ENPP1: variants seen among roughly 807,000 people sequenced by gnomAD.
ENPP1 encodes the protein ectonucleotide pyrophosphatase/phosphodiesterase 1, also known as ectonucleotide pyrophosphatase/phosphodiesterase family member 1.
ENPP1 carries 73 observed loss-of-function variants against 122.8 expected under a neutral mutation model. That is an observed-to-expected ratio of 0.59 (90% CI 0.49 to 0.72). The LOEUF (loss-of-function observed/expected upper bound fraction) is 0.72, where lower values mean the gene tolerates loss of function less well. Among genes scored for constraint, ENPP1 ranks in the 30% least tolerant of loss-of-function variants. ENPP1 has a pLI of 0.00. For synonymous variants in ENPP1, 367 were observed against 391.6 expected (o/e 0.94, Z 0.74); for missense variants, 978 against 1,128.1 (o/e 0.87, Z 1.91).
At chr6:131,857,871 G>A (rs1402851704) in intron 6 of ENPP1, among the ~76,000 whole-genome samples, 1 of 152,120 alleles carries the variant, frequency 6.6e-6, no homozygotes, top group Non-Finnish European at 1.5e-5. Flanking sequence ...TGCCAAATGT[G>A]GCATCGTGAG....
Position 131,808,292 on chromosome 6 carries a change from GC to G in ENPP1, c.240+21del. On this transcript the variant is annotated intron_variant, in intron 1 of 24. Transcript: ENST00000647893. ...CTCTCGCTGGTAGGTCCGCGGCCAG[GC>G]CCCGGCGCCCGGGAGGGCTGGGAGT... 3.4e-6 allele frequency: 5 copies of G among 1,485,580 alleles called. No individual in the cohort carries two copies. Among genetic ancestry groups the G allele is most frequent in the East Asian group, 2.8e-5 (1 of 35,978 alleles). 92.0% of individuals were successfully genotyped at this position (1,485,580 alleles called of 1,614,324 possible).
intron 4 of ENPP1, 156 bp downstream of exon 4, chr6:131,851,423 TA>T (rs1781879913): frequency 9.6e-6 from 8 of 830,078 alleles, no homozygotes; most frequent in Non-Finnish European, 1.5e-5. Context: ...AAGAAACTTT[TA>T]AACATACACA....
intron 18 of ENPP1, chr6:131,877,501 A>AATCT (rs1782245650): frequency 2.8e-6 from 1 of 353,546 alleles, no homozygotes; most frequent in African/African-American, 2.1e-5. Flanking sequence ...TAACTCTAGC[A>AATCT]GTGAGGTGAT....
chr6:131,843,626 T>C (rs956976383), intron 1 of ENPP1, among the ~76,000 whole-genome samples: 1 of 151,630 alleles, frequency 6.6e-6, no homozygotes, highest in Non-Finnish European at 1.5e-5. Flanking sequence ...GTATTCTGTT[T>C]TCCCCACCTT....
intron 1 of ENPP1, chr6:131,828,344 A>G: frequency 6.9e-6 from 3 of 431,754 alleles, no homozygotes; most frequent in South Asian, 2.2e-5. Context: ...ACATCCTACC[A>G]TGATTTTAAG....
At chr6:131,836,189 T>C (rs1216989264) in intron 1 of ENPP1, among the ~76,000 whole-genome samples, 1 of 152,102 alleles carries the variant, frequency 6.6e-6, no homozygotes, top group South Asian at 2.1e-4. Context: ...CTCAGTTTAC[T>C]GCAACCTCTG....
intron 1 of ENPP1, chr6:131,826,142 T>A: frequency 1.2e-6 from 1 of 847,210 alleles, no homozygotes; most frequent in Admixed American, 1.7e-5. Context: ...TCCAGATGAG[T>A]AAGGTTTGAC....
intron 1 of ENPP1, chr6:131,826,687 T>G (rs765817881): frequency 7.9e-5 from 52 of 654,134 alleles, no homozygotes; most frequent in African/African-American, 1.1e-4. Context: ...TCCCTCATTA[T>G]CAAGGGACAA....
chr6:131,839,923 C>T (rs1405886642), intron 1 of ENPP1, among the ~76,000 whole-genome samples: 1 of 152,080 alleles, frequency 6.6e-6, no homozygotes, highest in Non-Finnish European at 1.5e-5. Flanking sequence ...TACTCTTGGA[C>T]ATTATGTGTA....
chr6:131,814,698 G>A (rs1781394588), intron 1 of ENPP1, among the ~76,000 whole-genome samples: 1 of 152,062 alleles, frequency 6.6e-6, no homozygotes, highest in South Asian at 2.1e-4. Flanking sequence ...TGCTCCTTTG[G>A]TTTATAAAAT....
intron 1 of ENPP1, among the ~76,000 whole-genome samples, chr6:131,813,001 G>A (rs554602372): frequency 2.6e-4 from 40 of 152,068 alleles, no homozygotes; most frequent in African/African-American, 9.4e-4. Flanking sequence ...CACCACTCCT[G>A]GCTAATTTTT....
intron 24 of ENPP1, among the ~76,000 whole-genome samples, chr6:131,887,835 G>T (rs1322636523): frequency 6.8e-6 from 1 of 146,598 alleles, no homozygotes; most frequent in Non-Finnish European, 1.5e-5. Flanking sequence ...AAAATGCTGG[G>T]ATTACAGGCG....
chr6:131,839,822 ATATATACAGTTATATACAGT>A (rs201442888), intron 1 of ENPP1, among the ~76,000 whole-genome samples: 1 of 152,114 alleles, frequency 6.6e-6, no homozygotes, highest in Non-Finnish European at 1.5e-5. Flanking sequence ...ATATACAGCC[ATATATACAGTTATATACAGT>A]TATATACAGT....
At chr6:131,862,949 C>T (rs1782042687) in intron 9 of ENPP1, among the ~76,000 whole-genome samples, 3 of 151,580 alleles carry the variant, frequency 2.0e-5, no homozygotes, top group African/African-American at 4.9e-5. Context: ...AGGGCTATTA[C>T]CAACTTTGTT....
At chr6:131,854,780 C>A in intron 5 of ENPP1, 146 bp from the exon 6 acceptor site, 1 of 672,306 alleles carries the variant, frequency 1.5e-6, no homozygotes. Context: ...AGTATGCTTG[C>A]CGACTTTGTT....
chr6:131,878,858 T>A (rs1179747462), intron 19 of ENPP1, among the ~76,000 whole-genome samples: 1 of 152,198 alleles, frequency 6.6e-6, no homozygotes, highest in Non-Finnish European at 1.5e-5. Flanking sequence ...ATGATGGAGG[T>A]GTTCAAAAAT....
At chr6:131,855,393 T>C (rs1781932643) in intron 6 of ENPP1, among the ~76,000 whole-genome samples, 1 of 152,202 alleles carries the variant, frequency 6.6e-6, no homozygotes, top group South Asian at 2.1e-4. Context: ...TGGTGTGATC[T>C]TGGCTCACTG....
intron 13 of ENPP1, among the ~76,000 whole-genome samples, chr6:131,870,153 G>A (rs1381395728): frequency 6.6e-6 from 1 of 151,988 alleles, no homozygotes; most frequent in Non-Finnish European, 1.5e-5. Context: ...ATTTATTCAA[G>A]TTTAATTAAT....
chr6:131,881,753 C>A (rs1319754806), intron 20 of ENPP1, among the ~76,000 whole-genome samples: 1 of 151,760 alleles, frequency 6.6e-6, no homozygotes, highest in African/African-American at 2.4e-5. Flanking sequence ...CGTGGTGGGT[C>A]ACACCTGTAA....
Sources: allele counts gnomAD v4.1 joint callset (sites outside exome capture counted in the v4.1 genomes callset), GRCh38; gene constraint gnomAD v4.1.1; transcripts MANE v1.5; gene names NCBI Gene and HGNC (gene_info 2026-07-23, HGNC 2026-07-21).